The following BEND7 variants were observed in gnomAD, a reference collection of about 807,000 sequenced individuals.
BEND7 encodes the protein BEN domain-containing protein 7.
Under a neutral mutation model 50.9 loss-of-function variants are expected in BEND7, and 28 were observed. The observed-to-expected ratio is 0.55, with a 90% CI of 0.41 to 0.75. The LOEUF (loss-of-function observed/expected upper bound fraction) is 0.75, where lower values mean the gene tolerates loss of function less well. BEND7 is among the 30% of genes least tolerant of loss of function. BEND7 has a pLI of 0.00. For synonymous variants in BEND7, 170 were observed against 183.9 expected, an observed-to-expected ratio of 0.92 and a Z score of 0.61; for missense variants, 477 against 491.3, an observed-to-expected ratio of 0.97 and a Z score of 0.28.
At chr10:13,507,821 T>G (rs2078005189) in intron 2 of BEND7, among the ~76,000 whole-genome samples, 1 of 152,220 alleles carries the variant, frequency 6.6e-6, no homozygotes, top group Non-Finnish European at 1.5e-5. Context: ...CACAACACTG[T>G]GAACGTATTT....
chr10:13,507,270 CCT>C (rs1184315596), intron 2 of BEND7, among the ~76,000 whole-genome samples: 3 of 152,308 alleles, frequency 2.0e-5, no homozygotes, highest in African/African-American at 7.2e-5. Context: ...ATTCCCAACC[CCT>C]GAGGCAACTA....
At chr10:13,514,960 T>C (rs143492569) in intron 2 of BEND7, among the ~76,000 whole-genome samples, 30 of 152,312 alleles carry the variant, frequency 2.0e-4, no homozygotes, top group East Asian at 1.2e-3. Flanking sequence ...AGCAACTTCA[T>C]AGTCTATTCT....
chr10:13,484,856 C>T (rs2076108703), intron 5 of BEND7, among the ~76,000 whole-genome samples: 1 of 152,196 alleles, frequency 6.6e-6, no homozygotes, highest in African/African-American at 2.4e-5. Flanking sequence ...CTTAGTACAA[C>T]AATGTATCAA....
chr10:13,503,209 T>TCTGGCGGTGGGCTGCGC (rs1243312379), intron 2 of BEND7, among the ~76,000 whole-genome samples: 1 of 152,154 alleles, frequency 6.6e-6, no homozygotes, highest in Non-Finnish European at 1.5e-5. Context: ...TGTGAGGGGT[T>TCTGGCGGTGGGCTGCGC]CTGGCGGTGG....
At chr10:13,446,850 T>A (rs1428516327) in intron 8 of BEND7, 1 of 241,980 alleles carries the variant, frequency 4.1e-6, no homozygotes, top group Non-Finnish European at 7.9e-6. Context: ...GTCCACTGAT[T>A]GACTGCTCAA....
chr10:13,490,048 G>A (rs1301028018), intron 5 of BEND7, among the ~76,000 whole-genome samples: 2 of 152,166 alleles, frequency 1.3e-5, no homozygotes, highest in African/African-American at 4.8e-5. Context: ...GTGTTTTTCT[G>A]CATCTGAGTA....
Position 13,528,868 on chromosome 10 carries a change from G to C in BEND7, c.-335C>G, listed in dbSNP as rs996631658. The stretch of plus-strand genomic sequence containing the variant: ...CCCGCCGCAGCCCAACTTTCCGTTG[G>C]GAGCGGGCCGGGCCGGGGCGCGGCG... On this transcript the variant is annotated 5_prime_UTR_variant, in exon 1 of 9. Coordinates refer to ENST00000466271, the MANE Select transcript of BEND7 (RefSeq NM_001369863.1). 3 of 143,942 alleles carry C rather than the reference G, an allele frequency of 2.1e-5. No homozygotes were observed. Among genetic ancestry groups the C allele is most frequent in the Non-Finnish European group, 3.1e-5 (2 of 64,926 alleles). The allele number at this position is 143,942 out of a possible 1,614,324, so 8.9% of individuals were successfully genotyped here.
rs1195998958 is a variant in BEND7 at position 13,497,839 on chromosome 10, T to C, written c.449-951A>G. On this transcript the variant is annotated intron_variant, in intron 3 of 8. Coordinates refer to ENST00000466271, the MANE Select transcript of BEND7 (RefSeq NM_001369863.1). ...TCCATGGTTTTGTTCCAATTATATG[T>C]TTTATTATACTTTATATACCTTAAA... Among the ~76,000 whole-genome samples the C allele has an allele frequency of 4.6e-5, 7 of 152,158 alleles. No homozygotes were observed. The East Asian group carries it at 1.3e-3, about 29-fold the overall frequency.
chr10:13,447,645 G>A (rs901569262), intron 7 of BEND7, among the ~76,000 whole-genome samples: 33 of 144,032 alleles, frequency 2.3e-4, no homozygotes, highest in African/African-American at 8.3e-4. Context: ...CCGGGTTCAC[G>A]CCATTCTCCT....
chr10:13,443,149 TAAAAAATCTTATACCAGATTGGAGG>T (rs1835589714), intron 8 of BEND7: 1 of 152,408 alleles, frequency 6.6e-6, no homozygotes, highest in Non-Finnish European at 1.5e-5. Context: ...AAAAATGATT[TAAAAAATCTTATACCAGATTGGAGG>T]CTTGGTTATC....
At chr10:13,438,634 G>C (rs529506312), downstream of BEND7, 1 of 154,074 alleles carries the variant, frequency 6.5e-6, no homozygotes, top group South Asian at 2.0e-4. Context: ...GTAAATTCAA[G>C]TTGCTTTGAA....
At chr10:13,448,831 C>T (rs1038132172) in intron 7 of BEND7, among the ~76,000 whole-genome samples, 1 of 151,980 alleles carries the variant, frequency 6.6e-6, no homozygotes, top group African/African-American at 2.4e-5. Flanking sequence ...GAAAATTAGC[C>T]AAGAGAGGTG....
At chr10:13,477,355 G>A (rs895538357) in intron 6 of BEND7, among the ~76,000 whole-genome samples, 4 of 152,146 alleles carry the variant, frequency 2.6e-5, no homozygotes, top group Admixed American at 2.0e-4. Flanking sequence ...TTACAAAATC[G>A]TTTCCAAGGG....
chr10:13,452,517 T>A, intron 7 of BEND7, 22 bp downstream of exon 7: 1 of 1,584,190 alleles, frequency 6.3e-7, no homozygotes, highest in South Asian at 1.2e-5. Context: ...TCTCCAATTA[T>A]TTTTCTGCAC....
In BEND7 at chr10:13,500,669, G is replaced by A. The variant is rs564545068; in HGVS notation, c.146-589C>T. On this transcript the variant is annotated intron_variant, in intron 2 of 8. Transcript: ENST00000466271. The stretch of plus-strand genomic sequence containing the variant: ...TCCTCCAGGATGACACGCTGCCGCT[G>A]GAGACATCACCTTCAGAGAGGACGG... The A allele has an allele frequency of 9.1e-5, 90 of 985,838 alleles. 1 individual carries two copies. In the African/African-American group the frequency reaches 1.5e-3, roughly 16 times the overall value. The allele number at this position is 985,838 out of a possible 1,614,324, so 61.1% of individuals were successfully genotyped here.
rs925363967 is a variant in BEND7, at chr10:13,528,954, CGCGGCGGCG to C, written c.-430_-422del. On this transcript the variant is annotated 5_prime_UTR_variant, in exon 1 of 9. Transcript: ENST00000466271. ...GGCCCGCCTGGGCTCAGCCTGCGGT[CGCGGCGGCG>C]GCGGCGGCGGCCCCGAAGACGCGGC... 6.9e-4 allele frequency: 96 copies of C among 138,512 alleles called. 1 individual carries two copies. Among genetic ancestry groups the C allele is most frequent in the Middle Eastern group, 5.0e-3 (1 of 200 alleles). The allele number at this position is 138,512 out of a possible 1,614,324, so 8.6% of individuals were successfully genotyped here.
intron 2 of BEND7, among the ~76,000 whole-genome samples, chr10:13,509,650 G>A (rs915174666): frequency 6.6e-6 from 1 of 152,192 alleles, no homozygotes; most frequent in Non-Finnish European, 1.5e-5. Context: ...AAGACTGGAG[G>A]TGGTCAATAA....
intron 5 of BEND7, among the ~76,000 whole-genome samples, chr10:13,481,763 A>G (rs4750369): frequency 0.73 from 111,423 of 152,180 alleles, 41,350 homozygotes; most frequent in East Asian, 0.88. Flanking sequence ...CTAATTTTGG[A>G]AGGAAAATGT....
chr10:13,505,298 C>A (rs1012339218), intron 2 of BEND7, among the ~76,000 whole-genome samples: 1 of 152,228 alleles, frequency 6.6e-6, no homozygotes, highest in Admixed American at 6.5e-5. Context: ...GGCCCTTGCA[C>A]CCCACGTGGA....
Sources: gnomAD v4.1 joint callset for allele counts (sites outside exome capture counted in the v4.1 genomes callset) on GRCh38, gnomAD v4.1.1 for gene constraint, MANE v1.5 for transcripts, NCBI Gene and HGNC (gene_info 2026-07-23, HGNC 2026-07-21) for gene names.